Variants in CDK7 observed in about 807,000 individuals in gnomAD.
The protein encoded by CDK7 is cyclin dependent kinase 7, also known as cyclin-dependent kinase 7.
Under a neutral mutation model 49.1 loss-of-function variants are expected in CDK7, and 25 were observed. That is an observed-to-expected ratio of 0.51 (90% CI 0.37 to 0.71). CDK7 has a LOEUF of 0.71. Ranked by LOEUF, CDK7 falls within the 30% of genes least tolerant of loss-of-function variation. CDK7 has a pLI of 0.00. For missense variants in CDK7, 316 were observed against 411.7 expected (o/e 0.77, Z 2.01); for synonymous variants, 107 against 140.0 (o/e 0.76, Z 1.67).
intron 2 of CDK7, among the ~76,000 whole-genome samples, chr5:69,241,314 C>T (rs2932784): frequency 0.13 from 4,649 of 34,556 alleles, 435 homozygotes; most frequent in South Asian, 0.25. Flanking sequence ...TAGGTTTTTT[C>T]TTTTTTTTTT....
chr5:69,262,162 A>T, intron 7 of CDK7, 43 bp from the exon 8 acceptor site: 1 of 1,612,186 alleles, frequency 6.2e-7, no homozygotes, highest in Non-Finnish European at 8.5e-7. Flanking sequence ...AAGTGCTTTG[A>T]TAATTTCATG....
intron 2 of CDK7, among the ~76,000 whole-genome samples, chr5:69,246,571 C>G (rs1389354435): frequency 6.6e-6 from 1 of 151,932 alleles, no homozygotes; most frequent in Non-Finnish European, 1.5e-5. Flanking sequence ...TTTTGTTGAT[C>G]TTTTGTATTT....
chr5:69,236,954 C>CTTTTTTTTTT (rs4053029), intron 2 of CDK7, among the ~76,000 whole-genome samples: 1 of 84,262 alleles, frequency 1.2e-5, no homozygotes, highest in East Asian at 3.8e-4. Flanking sequence ...GCCTGGCCTT[C>CTTTTTTTTTT]TTTTTTTTTT....
At chr5:69,246,793 G>A (rs1749786218) in intron 2 of CDK7, among the ~76,000 whole-genome samples, 1 of 150,194 alleles carries the variant, frequency 6.7e-6, no homozygotes, top group African/African-American at 2.5e-5. Flanking sequence ...TTGGTATGTT[G>A]TGTTTCCGTT....
At chr5:69,247,526 CCATT>C (rs1187690629) in intron 2 of CDK7, among the ~76,000 whole-genome samples, 5 of 146,098 alleles carry the variant, frequency 3.4e-5, no homozygotes, top group Non-Finnish European at 7.5e-5. Flanking sequence ...TTTTTTTTAT[CCATT>C]CAGTCACTCT....
intron 5 of CDK7, 40 bp from the exon 6 acceptor site, chr5:69,258,003 A>G: frequency 1.1e-6 from 1 of 949,572 alleles, no homozygotes; most frequent in Non-Finnish European, 1.7e-6. Context: ...TTTATTTGAA[A>G]TAATAAAGGG....
At chr5:69,239,376 CCT>C (rs1749216448) in intron 2 of CDK7, among the ~76,000 whole-genome samples, 1 of 152,094 alleles carries the variant, frequency 6.6e-6, no homozygotes, top group African/African-American at 2.4e-5. Context: ...TAGATTTTCT[CCT>C]GTTTTCTGTT....
chr5:69,272,789 G>T, intron 9 of CDK7, 103 bp from the exon 10 acceptor site: 4 of 629,834 alleles, frequency 6.4e-6, no homozygotes, highest in East Asian at 3.2e-5. Context: ...AGATTTCTTG[G>T]AATTTTCTAT....
rs142560750 is a variant in CDK7, at chr5:69,258,149, A to T, written c.404A>T (p.His135Leu). 8 of 1,478,552 alleles carry T rather than the reference A, an allele frequency of 5.4e-6. No homozygotes were observed. Among genetic ancestry groups the T allele is most frequent in the Non-Finnish European group, 7.4e-6 (8 of 1,073,962 alleles). The allele number at this position is 1,478,552 out of a possible 1,614,324, so 91.6% of individuals were successfully genotyped here. ...TATTTACATCAACATTGGATCCTAC[A>T]TAGGGTAAGGTTTTTAATATTGCTT... ...LEYLHQHWIL[H>L]RDLKPNNLLL... The change falls in exon 6 of 12, where the codon CAT becomes CTT. Residue 135 changes from histidine to leucine, a missense_variant. Transcript: ENST00000256443.
At chr5:69,276,983 CT>C (rs1752218566) in intron 11 of CDK7, 123 bp from the exon 12 acceptor site, 1 of 820,536 alleles carries the variant, frequency 1.2e-6, no homozygotes, top group Non-Finnish European at 1.9e-6. Flanking sequence ...ACAAGTGCTA[CT>C]GGAAAAAATG....
intron 7 of CDK7, 148 bp downstream of exon 7, chr5:69,260,084 C>T (rs1477196388): frequency 3.3e-6 from 2 of 599,692 alleles, no homozygotes; most frequent in South Asian, 2.2e-5. Flanking sequence ...CGCGGTGACT[C>T]ATGCCTGTAA....
intron 2 of CDK7, among the ~76,000 whole-genome samples, chr5:69,246,801 G>A (rs1459976636): frequency 6.6e-6 from 1 of 150,728 alleles, no homozygotes; most frequent in Non-Finnish European, 1.5e-5. Context: ...TTGTGTTTCC[G>A]TTATAATTTC....
intron 2 of CDK7, among the ~76,000 whole-genome samples, chr5:69,236,662 A>T (rs866912424): frequency 3.4e-5 from 5 of 149,238 alleles, no homozygotes; most frequent in South Asian, 2.1e-4. Flanking sequence ...TTTATTTTTT[A>T]TTTTTTTTGA....
chr5:69,254,082 A>G (rs1041098239), intron 3 of CDK7, among the ~76,000 whole-genome samples: 7 of 152,212 alleles, frequency 4.6e-5, no homozygotes, highest in Non-Finnish European at 1.0e-4. Flanking sequence ...CCTGGCTGAC[A>G]GGGTGAAACC....
Position 69,234,951 on chromosome 5 carries a change from C to A in CDK7, c.-25C>A. 6.3e-7 allele frequency: 1 copy of A among 1,580,116 alleles called. No individual in the cohort carries two copies. The highest frequency in any genetic ancestry group is 2.3e-5 in the East Asian group (1 of 43,376). ...TGTCCTGGGAGCTCGCCCTTTTCGG[C>A]TGGAGTCGGGCTTTACGGCGCCGGA... On this transcript the variant is annotated 5_prime_UTR_variant, in exon 1 of 12. In the 5' UTR this introduces an upstream ATG that the reference lacks. Coordinates refer to ENST00000256443, the MANE Select transcript of CDK7 (RefSeq NM_001799.4).
chr5:69,261,570 G>T (rs145837721), intron 7 of CDK7, among the ~76,000 whole-genome samples: 15 of 150,394 alleles, frequency 1.0e-4, no homozygotes, highest in African/African-American at 3.7e-4. Context: ...TGGCACTGTC[G>T]CCCAGGCTGG....
Position 69,235,441 on chromosome 5 carries a change from C to A in CDK7, c.114C>A (p.Val38=), listed in dbSNP as rs779476831. Residue 38 remains valine, a synonymous_variant, in exon 2 of 12, where the codon GTC becomes GTA. Transcript: ENST00000256443. The part of the protein sequence containing the change: ...KARDKNTNQI[V]AIKKIKLGHR... ...GAGATAAGAACACCAACCAAATTGTCGCCATTAAGAAAGTGAGTTACCTTT... is the reference window on the plus strand; with the variant it reads ...GAGATAAGAACACCAACCAAATTGTAGCCATTAAGAAAGTGAGTTACCTTT... The A allele has an allele frequency of 1.9e-6, 3 of 1,601,770 alleles. No individual in the cohort carries two copies. Among genetic ancestry groups the A allele is most frequent in the African/African-American group, 1.3e-5 (1 of 74,488 alleles).
intron 2 of CDK7, among the ~76,000 whole-genome samples, chr5:69,246,355 T>C (rs1749754693): frequency 6.6e-6 from 1 of 152,106 alleles, no homozygotes; most frequent in East Asian, 1.9e-4. Flanking sequence ...CAGGATGGTC[T>C]CGATCTTCTG....
intron 2 of CDK7, among the ~76,000 whole-genome samples, chr5:69,249,168 T>C (rs992245960): frequency 1.3e-5 from 2 of 152,214 alleles, no homozygotes; most frequent in Admixed American, 1.3e-4. Context: ...TTATTTTTTT[T>C]CTTTTGTCTC....
Sources: allele counts gnomAD v4.1 joint callset (sites outside exome capture counted in the v4.1 genomes callset), GRCh38; gene constraint gnomAD v4.1.1; transcripts MANE v1.5; gene names NCBI Gene and HGNC (gene_info 2026-07-23, HGNC 2026-07-21).